The following CAMSAP3 variants were observed in gnomAD, a reference collection of about 807,000 sequenced individuals.
CAMSAP3 encodes the protein calmodulin-regulated spectrin-associated protein 3.
CAMSAP3 carries 34 observed loss-of-function variants against 112.5 expected under a neutral mutation model. The ratio of observed to expected loss-of-function variants is 0.30; its 90% CI spans 0.23 to 0.40. The LOEUF is 0.40. CAMSAP3 is among the 10% of genes least tolerant of loss of function. The pLI is 1.00. For synonymous variants in CAMSAP3, 868 were observed against 799.8 expected (o/e 1.09, Z -1.44); for missense variants, 1,602 against 1,770.3 (o/e 0.90, Z 1.71).
chr19:7,602,937 G>C (rs942890271), intron 1 of CAMSAP3, among the ~76,000 whole-genome samples: 3 of 151,768 alleles, frequency 2.0e-5, no homozygotes, highest in South Asian at 2.1e-4. Flanking sequence ...AGAGGTGGAG[G>C]GGGGCTGGGA....
chr19:7,616,938 T>TTTTTTTTG, intron 14 of CAMSAP3, among the ~76,000 whole-genome samples: 1 of 118,682 alleles, frequency 8.4e-6, no homozygotes, highest in African/African-American at 3.4e-5. Flanking sequence ...GCCCGCCTTT[T>TTTTTTTTG]TTTTTTTTTT....
At position 7,606,671 on chromosome 19, in the gene CAMSAP3, G is replaced by C; in HGVS notation, c.621+100G>C. Reference sequence around the variant, plus strand: ...CACTCCTGAAGTGGGGAGGGGGCTAGAGGTGACACACTCTCTCTTTCTTCC... The same window carrying C: ...CACTCCTGAAGTGGGGAGGGGGCTACAGGTGACACACTCTCTCTTTCTTCC... On this transcript the variant is annotated intron_variant, in intron 4 of 16. Coordinates refer to ENST00000160298, the MANE Select transcript of CAMSAP3 (RefSeq NM_020902.2). 5 of 1,564,406 alleles carry C rather than the reference G, an allele frequency of 3.2e-6. No individual in the cohort carries two copies. The East Asian group carries it at 1.1e-4, about 36-fold the overall frequency.
In CAMSAP3 at chr19:7,612,778, G is replaced by A. The variant is rs779477941; in HGVS notation, c.2285G>A (p.Arg762Gln). 31 of 1,533,182 alleles carry A rather than the reference G, an allele frequency of 2.0e-5. No homozygotes were observed. In the South Asian group the frequency reaches 2.4e-4, roughly 12 times the overall value. The allele number at this position is 1,533,182 out of a possible 1,614,324, so 95.0% of individuals were successfully genotyped here. The change falls in exon 11 of 17, where the codon CGA becomes CAA. Residue 762 changes from arginine to glutamine, a missense_variant. Physicochemically the swap from Arg to Gln is conservative, Grantham distance 43. Transcript: ENST00000160298. Reference protein sequence around the residue: ...PKAASPSPARRVPATRRSPGP... With the variant: ...PKAASPSPARQVPATRRSPGP... ...GCTGCATCCCCCAGCCCCGCCCGGC[G>A]AGTCCCGGCCACCCGGCGCAGCCCT...
chr19:7,605,230 C>T lies in CAMSAP3; in HGVS notation c.153C>T (p.His51=). 6.5e-7 allele frequency: 1 copy of T among 1,538,514 alleles called. No individual in the cohort carries two copies. Among genetic ancestry groups the T allele is most frequent in the Non-Finnish European group, 8.8e-7 (1 of 1,139,750 alleles). The change falls in exon 2 of 17, where the codon CAC becomes CAT. Residue 51 remains histidine, a synonymous_variant. Coordinates refer to ENST00000160298, the MANE Select transcript of CAMSAP3 (RefSeq NM_020902.2). ...TTCCCCTCTATGCCCCCACAGAGCA[C>T]GTGCCCCCGGAGCTGTGGGAGCCCT... ...VLRAAFGGAE[H]VPPELWEPFY...
chr19:7,606,843 G>C, intron 4 of CAMSAP3: 1 of 1,611,270 alleles, frequency 6.2e-7, no homozygotes, highest in Non-Finnish European at 8.5e-7. Flanking sequence ...CCGTCTGCCT[G>C]CCCTGCTTGT....
intron 1 of CAMSAP3, among the ~76,000 whole-genome samples, chr19:7,599,241 TCATC>T (rs373814907): frequency 1.6e-5 from 2 of 127,300 alleles, no homozygotes; most frequent in African/African-American, 6.0e-5. Context: ...ACCCATTCAT[TCATC>T]CATCCATCCA....
rs571153394 is a variant in CAMSAP3, at chr19:7,611,058, TG to T, written c.1050-32del. 3.4e-5 allele frequency: 54 copies of T among 1,610,856 alleles called. No individual in the cohort carries two copies. In the African/African-American group the frequency reaches 4.4e-4, roughly 13 times the overall value. On this transcript the variant is annotated intron_variant, in intron 8 of 16. Transcript: ENST00000160298. This position sits in a 1 kb window ranked among gnomAD's most constrained non-coding sequence, Gnocchi z 6.9. ...CCCCGGGGAGAGGCGGAGGAGGAGGTGGGGGTCCTGAGGCTGAAGTACGTCT... is the reference window on the plus strand; with the variant it reads ...CCCCGGGGAGAGGCGGAGGAGGAGGTGGGGTCCTGAGGCTGAAGTACGTCT...
At position 7,612,760 on chromosome 19, in the gene CAMSAP3, C is replaced by T. The variant is rs764492054; in HGVS notation, c.2267C>T (p.Ser756Phe). Reference protein sequence around the residue: ...PGPTTGPKAASPSPARRVPAT... With the variant: ...PGPTTGPKAAFPSPARRVPAT... ...CCCACGACGGGGCCCAAAGCTGCAT[C>T]CCCCAGCCCCGCCCGGCGAGTCCCG... is the stretch of plus-strand genomic sequence containing the variant. Residue 756 changes from serine (S) to phenylalanine (F), a missense_variant, in exon 11 of 17, where the codon TCC becomes TTC. This residue lies in a region of CAMSAP3 where 1,100 missense variants were observed against 1,135.7 expected (regional missense o/e 0.97). Coordinates refer to ENST00000160298, the MANE Select transcript of CAMSAP3 (RefSeq NM_020902.2). 12 of 1,530,046 alleles carry T rather than the reference C, an allele frequency of 7.8e-6. No homozygotes were observed. The South Asian group carries it at 1.3e-4, about 17-fold the overall frequency. The allele number at this position is 1,530,046 out of a possible 1,614,324, so 94.8% of individuals were successfully genotyped here. A position where few individuals can be genotyped will look rare whatever the true frequency, so the allele number is the denominator to read the frequency against.
At chr19:7,604,157 G>T (rs1449914039) in intron 1 of CAMSAP3, among the ~76,000 whole-genome samples, 1 of 152,096 alleles carries the variant, frequency 6.6e-6, no homozygotes, top group African/African-American at 2.4e-5. Context: ...AAGCTGTGCA[G>T]ATTAGAACAA....
At position 7,596,523 on chromosome 19, in the gene CAMSAP3, TCTC is replaced by T. The variant is rs2024446879; in HGVS notation, c.148+374_148+376del. On this transcript the variant is annotated intron_variant, in intron 1 of 16. Transcript: ENST00000160298. ...CAAGGCCTTCCCTTGCACGCCTTCT[TCTC>T]TTTTACACACATCACGCCCCTGCGA... 6.7e-5 allele frequency among the ~76,000 whole-genome samples: 10 copies of T among 148,738 alleles called. No homozygotes were observed. In the South Asian group the frequency reaches 2.1e-3, roughly 31 times the overall value.
rs761357611 is a variant in CAMSAP3 at position 7,615,341 on chromosome 19, G to C, written c.2810+19G>C. The C allele has an allele frequency of 2.1e-5, 33 of 1,537,410 alleles. No individual in the cohort carries two copies. In the East Asian group the frequency reaches 3.2e-4, roughly 15 times the overall value. The stretch of plus-strand genomic sequence containing the variant: ...CCGCGAGGTGAGGCCGGGCCTGCCC[G>C]GGACGCCCGCTCCTTGGCCTGTCTG... On this transcript the variant is annotated intron_variant, in intron 12 of 16. Transcript: ENST00000160298. This position sits in a 1 kb window ranked among gnomAD's most constrained non-coding sequence, Gnocchi z 6.5.
chr19:7,605,534 C>G, intron 2 of CAMSAP3, 55 bp downstream of exon 2: 1 of 1,401,190 alleles, frequency 7.1e-7, no homozygotes, highest in Non-Finnish European at 9.3e-7. Flanking sequence ...CTCCTCCCCT[C>G]AAGCTCCTCC....
Position 7,608,590 on chromosome 19 carries a change from G to A in CAMSAP3, c.760+326G>A, listed in dbSNP as rs185400755. On this transcript the variant is annotated intron_variant, in intron 5 of 16. Transcript: ENST00000160298. ...GAGACACACTCCCCACTTCACAGAC[G>A]GCTCTAGCTGGGAGAGAAAGATACT... Among the ~76,000 whole-genome samples, 77 of 152,024 alleles carry A rather than the reference G, an allele frequency of 5.1e-4. No individual in the cohort carries two copies. The East Asian group carries it at 8.1e-3, about 16-fold the overall frequency.
intron 1 of CAMSAP3, among the ~76,000 whole-genome samples, chr19:7,602,406 A>G (rs766983956): frequency 2.0e-5 from 3 of 152,124 alleles, no homozygotes; most frequent in Non-Finnish European, 2.9e-5. Context: ...CTTGTTTTTC[A>G]TCTTAAAGGC....
At chr19:7,609,677 A>G (rs2030377723) in intron 5 of CAMSAP3, among the ~76,000 whole-genome samples, 2 of 152,150 alleles carry the variant, frequency 1.3e-5, no homozygotes, top group Admixed American at 1.3e-4. Flanking sequence ...GAATGAAATA[A>G]TTCTACAACT....
Position 7,611,918 on chromosome 19 carries a change from A to T in CAMSAP3, c.1425A>T (p.Pro475=), listed in dbSNP as rs1376150207. 6.3e-7 allele frequency: 1 copy of T among 1,588,410 alleles called. No homozygotes were observed. The highest frequency in any genetic ancestry group is 1.7e-5 in the Admixed American group (1 of 57,814). ...IIHSAEPRLL[P]DGAADGSFYL... ...ACAGTGCCGAGCCCCGGCTCCTCCC[A>T]GATGGGGCGGCCGACGGCAGCTTCT... The change falls in exon 11 of 17, where the codon CCA becomes CCT. Residue 475 remains proline (P), a synonymous_variant. Transcript: ENST00000160298. This position sits in a 1 kb window ranked among gnomAD's most constrained non-coding sequence, Gnocchi z 6.9.
chr19:7,611,863 C>T lies in CAMSAP3; in HGVS notation c.1370C>T (p.Pro457Leu). The T allele has an allele frequency of 6.4e-7, 1 of 1,566,872 alleles. No homozygotes were observed. Among genetic ancestry groups the T allele is most frequent in the Non-Finnish European group, 8.7e-7 (1 of 1,155,830 alleles). ...CCACCCCCGGAGCCTGGTGACCTGC[C>T]CACCATCGAGGAAGCTCTGCAGATC... ...TQPPPEPGDLPTIEEALQIIH... is the reference protein window; with the variant it reads ...TQPPPEPGDLLTIEEALQIIH... The change falls in exon 11 of 17, where the codon CCC (proline) becomes CTC (leucine). Residue 457 changes from proline to leucine, a missense_variant. Around this residue, in one of 6 missense-constraint regions of CAMSAP3, gnomAD observed 1,100 missense variants for 1,135.7 expected, o/e 0.97. Transcript: ENST00000160298. This position sits in a 1 kb window ranked among gnomAD's most constrained non-coding sequence, Gnocchi z 6.9.
At position 7,595,872 on chromosome 19, in the gene CAMSAP3, TCAG is replaced by T. The variant is rs1185286210; in HGVS notation, c.-126_-124del. 3.2e-4 allele frequency: 105 copies of T among 324,976 alleles called. No individual in the cohort carries two copies. The highest frequency in any genetic ancestry group is 6.3e-4 in the African/African-American group (27 of 42,888). 20.1% of individuals were successfully genotyped at this position (324,976 alleles called of 1,614,324 possible). ...GCCAGCGCAAGCGGCCGCACCTGGC[TCAG>T]CAGCGGCGGCGGCGGCGGCGGCGGC... On this transcript the variant is annotated 5_prime_UTR_variant, in exon 1 of 17. Transcript: ENST00000160298.
chr19:7,602,928 G>T (rs2030034339), intron 1 of CAMSAP3, among the ~76,000 whole-genome samples: 3 of 151,592 alleles, frequency 2.0e-5, no homozygotes, highest in Admixed American at 2.0e-4. Context: ...AATTGAGGGA[G>T]AGGTGGAGGG....
Sources: gnomAD v4.1 joint callset for allele counts (sites outside exome capture counted in the v4.1 genomes callset) on GRCh38, gnomAD v4.1.1 for gene constraint, gnomAD v4.1.1 regional missense constraint, Gnocchi (gnomAD v3.1) non-coding constraint, MANE v1.5 for transcripts, NCBI Gene and HGNC (gene_info 2026-07-23, HGNC 2026-07-21) for gene names.